OR14J1: variants seen among roughly 807,000 people sequenced by gnomAD.
The protein encoded by OR14J1 is olfactory receptor family 14 subfamily J member 1.
For missense variants in OR14J1, 378 were observed against 393.4 expected (o/e 0.96, Z 0.33); for synonymous variants, 140 against 146.7 (o/e 0.95, Z 0.33).
At chr6:29,305,548 T>G (rs1476734778) in intron 1 of OR14J1, among the ~76,000 whole-genome samples, 1 of 152,124 alleles carries the variant, frequency 6.6e-6, no homozygotes, top group African/African-American at 2.4e-5. Flanking sequence ...TGATACTGAT[T>G]GACCTTTCAA....
rs1371014906 is a variant in OR14J1, at chr6:29,307,097, C to T, written c.408C>T (p.Pro136=). Residue 136 remains proline (P), a synonymous_variant, in exon 2 of 2, where the codon CCC becomes CCT. Transcript: ENST00000641895. ...TTCATTATGAGACTATTATGGATCC[C>T]CGTGCCTGTAGGCATGCAGTGATAG... ...QPLHYETIMD[P]RACRHAVIAV... 3.1e-6 allele frequency: 5 copies of T among 1,613,010 alleles called. No homozygotes were observed. Among genetic ancestry groups the T allele is most frequent in the Non-Finnish European group, 4.2e-6 (5 of 1,180,014 alleles).
At chr6:29,303,700 A>ATCTG (rs1774866578) in intron 1 of OR14J1, among the ~76,000 whole-genome samples, 4 of 149,552 alleles carry the variant, frequency 2.7e-5, no homozygotes, top group Admixed American at 2.0e-4. Context: ...CTATCTATCT[A>ATCTG]TCTATCTATC....
rs776850760 is a variant in OR14J1 at position 29,306,825 on chromosome 6, A to G, written c.136A>G (p.Ile46Val). ...ALTGNLLIIT[I>V]ITVDRRLHSP... Reference sequence around the variant, plus strand: ...GACAGGCAACCTCCTCATTATCACCATCATTACCGTGGACCGTCGTCTCCA... The same window carrying G: ...GACAGGCAACCTCCTCATTATCACCGTCATTACCGTGGACCGTCGTCTCCA... Residue 46 changes from isoleucine (I) to valine (V), a missense_variant, in exon 2 of 2, where the codon ATC becomes GTC. Ile to Val is a conservative substitution (Grantham distance 29). Transcript: ENST00000641895. 1 of 1,613,032 alleles carries G rather than the reference A, an allele frequency of 6.2e-7. No homozygotes were observed. The highest frequency in any genetic ancestry group is 8.5e-7 in the Non-Finnish European group (1 of 1,180,000).
At chr6:29,306,404 CTT>C (rs1338460661) in intron 1 of OR14J1, among the ~76,000 whole-genome samples, 3 of 152,176 alleles carry the variant, frequency 2.0e-5, no homozygotes, top group Non-Finnish European at 4.4e-5. Context: ...AAGGTAAAGA[CTT>C]TATCATTTCC....
At chr6:29,303,169 ATAGT>A (rs1197357328) in intron 1 of OR14J1, among the ~76,000 whole-genome samples, 4 of 152,262 alleles carry the variant, frequency 2.6e-5, no homozygotes, top group African/African-American at 7.2e-5. Context: ...GTGTAGGAAA[ATAGT>A]TAATCTGTCT....
chr6:29,310,929 AG>A lies in OR14J1; in HGVS notation c.*3276del, dbSNP rs1309702026. On this transcript the variant is annotated 3_prime_UTR_variant, in exon 2 of 2. Coordinates refer to ENST00000641895, the MANE Select transcript of OR14J1 (RefSeq NM_030946.2). The stretch of plus-strand genomic sequence containing the variant: ...TCTGTTTTTTTTATTATTGGTGTAT[AG>A]GAATGCTTGTGGTTTTTGCACATTG... The A allele has an allele frequency of 6.6e-6, 1 of 152,068 alleles. No individual in the cohort carries two copies. Among genetic ancestry groups the A allele is most frequent in the East Asian group, 1.9e-4 (1 of 5,180 alleles). The allele number at this position is 152,068 out of a possible 1,614,324, so 9.4% of individuals were successfully genotyped here.
At position 29,312,883 on chromosome 6, in the gene OR14J1, T is replaced by G. The variant is rs1775626323; in HGVS notation, c.*5228T>G. On this transcript the variant is annotated 3_prime_UTR_variant, in exon 2 of 2. Transcript: ENST00000641895. Reference sequence around the variant, plus strand: ...GGTATTTTGAAAAACTTTTAGCTTTTTAAACACATTCATGGTGATATATAT... The same window carrying G: ...GGTATTTTGAAAAACTTTTAGCTTTGTAAACACATTCATGGTGATATATAT... 2 of 152,218 alleles carry G rather than the reference T, an allele frequency of 1.3e-5. No individual in the cohort carries two copies. The highest frequency in any genetic ancestry group is 1.3e-4 in the Admixed American group (2 of 15,288). The allele number at this position is 152,218 out of a possible 1,614,324, so 9.4% of individuals were successfully genotyped here.
rs921470841 is a variant in OR14J1, at chr6:29,309,641, G to A, written c.*1986G>A. The A allele has an allele frequency of 6.6e-6, 1 of 152,186 alleles. No individual in the cohort carries two copies. The highest frequency in any genetic ancestry group is 6.5e-5 in the Admixed American group (1 of 15,282). 9.4% of individuals were successfully genotyped at this position (152,186 alleles called of 1,614,324 possible). ...CATTTCTCTGATAACCAGTGATGATGAGCTTTTTTTCATATGTTTGTTGGC... is the reference window on the plus strand; with the variant it reads ...CATTTCTCTGATAACCAGTGATGATAAGCTTTTTTTCATATGTTTGTTGGC... On this transcript the variant is annotated 3_prime_UTR_variant, in exon 2 of 2. Transcript: ENST00000641895.
rs1282896267 is a variant in OR14J1, at chr6:29,309,661, G to C, written c.*2006G>C. On this transcript the variant is annotated 3_prime_UTR_variant, in exon 2 of 2. Coordinates refer to ENST00000641895, the MANE Select transcript of OR14J1 (RefSeq NM_030946.2). The stretch of plus-strand genomic sequence containing the variant: ...ATGATGAGCTTTTTTTCATATGTTT[G>C]TTGGCCACATAAATGTCTTATTTTA... 6.6e-6 allele frequency: 1 copy of C among 151,858 alleles called. No homozygotes were observed. The highest frequency in any genetic ancestry group is 1.5e-5 in the Non-Finnish European group (1 of 67,948). 9.4% of individuals were successfully genotyped at this position (151,858 alleles called of 1,614,324 possible).
Position 29,307,731 on chromosome 6 carries a change from G to A in OR14J1, c.*76G>A, listed in dbSNP as rs1775218786. 1.0e-5 allele frequency: 8 copies of A among 797,738 alleles called. No individual in the cohort carries two copies. The highest frequency in any genetic ancestry group is 2.4e-5 in the East Asian group (1 of 41,030). The allele number at this position is 797,738 out of a possible 1,614,324, so 49.4% of individuals were successfully genotyped here. ...GGTGAATCTTATTTCTACCCAGAAT[G>A]CTCTTCCAAGCTGTCTATTGTATAT... On this transcript the variant is annotated 3_prime_UTR_variant, in exon 2 of 2. Coordinates refer to ENST00000641895, the MANE Select transcript of OR14J1 (RefSeq NM_030946.2).
At chr6:29,304,510 G>A (rs1774942857) in intron 1 of OR14J1, among the ~76,000 whole-genome samples, 1 of 152,090 alleles carries the variant, frequency 6.6e-6, no homozygotes, top group Non-Finnish European at 1.5e-5. Flanking sequence ...TTGAACACAG[G>A]TTTTATATGT....
At position 29,311,227 on chromosome 6, in the gene OR14J1, G is replaced by C. The variant is rs921890930; in HGVS notation, c.*3572G>C. ...AATGCTTCCAGGTTTTGCCCATTCA[G>C]TATGATATTGGCTGTGAGTTTGTCA... On this transcript the variant is annotated 3_prime_UTR_variant, in exon 2 of 2. Coordinates refer to ENST00000641895, the MANE Select transcript of OR14J1 (RefSeq NM_030946.2). 2.0e-5 allele frequency: 3 copies of C among 152,166 alleles called. No individual in the cohort carries two copies. The highest frequency in any genetic ancestry group is 7.2e-5 in the African/African-American group (3 of 41,430). The allele number at this position is 152,166 out of a possible 1,614,324, so 9.4% of individuals were successfully genotyped here. A position where few individuals can be genotyped will look rare whatever the true frequency, so the allele number is the denominator to read the frequency against.
intron 1 of OR14J1, among the ~76,000 whole-genome samples, chr6:29,306,270 A>G (rs1775077026): frequency 6.6e-6 from 1 of 152,186 alleles, no homozygotes; most frequent in Non-Finnish European, 1.5e-5. Flanking sequence ...GCAAGGTGGT[A>G]TCAATAACTT....
chr6:29,307,164 G>T lies in OR14J1; in HGVS notation c.475G>T (p.Ala159Ser), dbSNP rs1166218237. ...GGGCCTCTCTGGGCTCATGCATGCTGCCATTAACTTCTCCATACCTCTCTG... is the reference window on the plus strand; with the variant it reads ...GGGCCTCTCTGGGCTCATGCATGCTTCCATTAACTTCTCCATACCTCTCTG... ...AGGLSGLMHA[A>S]INFSIPLCGK... Residue 159 changes from alanine to serine, a missense_variant, in exon 2 of 2, where the codon GCC becomes TCC. Coordinates refer to ENST00000641895, the MANE Select transcript of OR14J1 (RefSeq NM_030946.2). 1.2e-6 allele frequency: 2 copies of T among 1,613,000 alleles called. No homozygotes were observed. The highest frequency in any genetic ancestry group is 8.5e-7 in the Non-Finnish European group (1 of 1,180,008).
intron 1 of OR14J1, among the ~76,000 whole-genome samples, chr6:29,303,349 G>T (rs6930876): frequency 0.11 from 16,143 of 152,172 alleles, 970 homozygotes; most frequent in South Asian, 0.15. Flanking sequence ...GAACTAAGTG[G>T]CATAGAGCCA....
At position 29,307,635 on chromosome 6, in the gene OR14J1, A is replaced by C; in HGVS notation, c.946A>C (p.Lys316Gln). 1 of 1,596,126 alleles carries C rather than the reference A, an allele frequency of 6.3e-7. No homozygotes were observed. The highest frequency in any genetic ancestry group is 1.7e-5 in the Admixed American group (1 of 59,240). The change falls in exon 2 of 2, where the codon AAA becomes CAA. Residue 316 changes from lysine (K) to glutamine (Q), a missense_variant. Lys to Gln is a moderately conservative substitution (Grantham distance 53). Coordinates refer to ENST00000641895, the MANE Select transcript of OR14J1 (RefSeq NM_030946.2). Reference protein sequence around the residue: ...EELPQRKMCLKAMFKL With the variant: ...EELPQRKMCLQAMFKL ...GCTTCCTCAGAGAAAAATGTGCTTA[A>C]AAGCCATGTTTAAACTCTGAAGAAC...
intron 1 of OR14J1, among the ~76,000 whole-genome samples, chr6:29,305,616 C>A (rs1734715860): frequency 6.6e-6 from 1 of 152,000 alleles, no homozygotes; most frequent in Non-Finnish European, 1.5e-5. Flanking sequence ...CAGAGTGATT[C>A]TGATACACAA....
chr6:29,305,805 AAT>A (rs535309309), intron 1 of OR14J1, among the ~76,000 whole-genome samples: 3 of 151,630 alleles, frequency 2.0e-5, no homozygotes, highest in East Asian at 3.9e-4. Flanking sequence ...CCTAGAAAGA[AAT>A]ATATATATAT....
In OR14J1 at chr6:29,307,616, T is replaced by C; in HGVS notation, c.927T>C (p.Pro309=). 6.2e-7 allele frequency: 1 copy of C among 1,605,488 alleles called. No individual in the cohort carries two copies. The highest frequency in any genetic ancestry group is 8.5e-7 in the Non-Finnish European group (1 of 1,179,158). Residue 309 remains proline, a synonymous_variant, in exon 2 of 2, where the codon CCT becomes CCC. Coordinates refer to ENST00000641895, the MANE Select transcript of OR14J1 (RefSeq NM_030946.2). ...AGATGCTGTCAAAGGAAGAGCTTCC[T>C]CAGAGAAAAATGTGCTTAAAAGCCA... ...LRKMLSKEEL[P]QRKMCLKAMF...
Sources: gnomAD v4.1 joint callset for allele counts (sites outside exome capture counted in the v4.1 genomes callset) on GRCh38, gnomAD v4.1.1 for gene constraint, MANE v1.5 for transcripts, NCBI Gene and HGNC (gene_info 2026-07-23, HGNC 2026-07-21) for gene names.